Variants in MOV10L1 observed in about 807,000 individuals in gnomAD.
The protein encoded by MOV10L1 is Mov10 like RNA helicase 1, also known as RNA helicase Mov10l1.
A neutral mutation model predicts 143.8 loss-of-function variants in MOV10L1; 110 were observed. That is an observed-to-expected ratio of 0.76 (90% CI 0.66 to 0.90). The LOEUF is 0.90. Ranked by LOEUF, MOV10L1 falls within the 40% of genes least tolerant of loss-of-function variation. MOV10L1 has a pLI of 0.00. For missense variants in MOV10L1, 1,406 were observed against 1,526.8 expected (o/e 0.92, Z 1.32); for synonymous variants, 593 against 581.1 (o/e 1.02, Z -0.29).
At chr22:50,113,183 T>C (rs986964927) in intron 5 of MOV10L1, among the ~76,000 whole-genome samples, 3 of 152,172 alleles carry the variant, frequency 2.0e-5, no homozygotes, top group African/African-American at 7.2e-5. Context: ...CATCTTCTCA[T>C]TTTCTAAAGA....
intron 6 of MOV10L1, 101 bp downstream of exon 6, chr22:50,113,889 T>A: frequency 8.7e-7 from 1 of 1,148,310 alleles, no homozygotes; most frequent in Non-Finnish European, 1.2e-6. Flanking sequence ...GGTCATTTAT[T>A]TTTTTCTTTA....
rs892284999 is a variant in MOV10L1, at chr22:50,110,959, C to G, written c.743+2115C>G. Among the ~76,000 whole-genome samples, 16 of 152,140 alleles carry G rather than the reference C, an allele frequency of 1.1e-4. No individual in the cohort carries two copies. In the South Asian group the frequency reaches 1.7e-3, roughly 16 times the overall value. ...TTAAAAAAAAAAATTATTAGATTTC[C>G]TGTATCTGTGTTCTTCTTTGTGTGC... On this transcript the variant is annotated intron_variant, in intron 5 of 26. Transcript: ENST00000262794.
chr22:50,112,987 G>A (rs1268437250), intron 5 of MOV10L1, among the ~76,000 whole-genome samples: 2 of 152,212 alleles, frequency 1.3e-5, no homozygotes, highest in Non-Finnish European at 2.9e-5. Context: ...TGCAGCAGGG[G>A]CCAGAAGTGT....
intron 19 of MOV10L1, among the ~76,000 whole-genome samples, chr22:50,146,806 G>A (rs569228895): frequency 3.9e-5 from 6 of 152,308 alleles, no homozygotes; most frequent in South Asian, 2.1e-4. Flanking sequence ...TCATCGGCGC[G>A]TTTAACTCTC....
At chr22:50,161,217 T>C in intron 26 of MOV10L1, 151 bp from the exon 27 acceptor site, 2 of 990,436 alleles carry the variant, frequency 2.0e-6, no homozygotes, top group South Asian at 3.1e-5. Context: ...AGCCACTGTT[T>C]CCTGGACATT....
chr22:50,100,059 T>C (rs1401791475), intron 3 of MOV10L1, among the ~76,000 whole-genome samples: 2 of 152,070 alleles, frequency 1.3e-5, no homozygotes, highest in Admixed American at 1.3e-4. Flanking sequence ...TGGTATGATC[T>C]CAGCTCACTG....
At chr22:50,105,123 T>G (rs2147083508) in intron 3 of MOV10L1, among the ~76,000 whole-genome samples, 1 of 152,258 alleles carries the variant, frequency 6.6e-6, no homozygotes, top group African/African-American at 2.4e-5. Flanking sequence ...AGCCACAGTG[T>G]TTTTAATTGA....
In MOV10L1 at chr22:50,090,203, G is replaced by T. The variant is rs2062389833; in HGVS notation, c.97+18G>T. 1 of 1,412,842 alleles carries T rather than the reference G, an allele frequency of 7.1e-7. No individual in the cohort carries two copies. Among genetic ancestry groups the T allele is most frequent in the South Asian group, 1.6e-5 (1 of 63,054 alleles). 87.5% of individuals were successfully genotyped at this position (1,412,842 alleles called of 1,614,324 possible). On this transcript the variant is annotated intron_variant, in intron 1 of 26. Coordinates refer to ENST00000262794, the MANE Select transcript of MOV10L1 (RefSeq NM_018995.3). Reference sequence around the variant, plus strand: ...CGCGGAAGGTGGCTCGCGGGAGGCGGCTGGGAGGCGGGTCCCGGGCCCTCG... The same window carrying T: ...CGCGGAAGGTGGCTCGCGGGAGGCGTCTGGGAGGCGGGTCCCGGGCCCTCG...
rs1352282356 is a variant in MOV10L1, at chr22:50,143,155, C to G, written c.2292C>G (p.Leu764=). The stretch of plus-strand genomic sequence containing the variant: ...TTCTGAGTGGTGACTGCCGTCCCCT[C>G]CCGTATATTCTCTTTGGACCTCCTG... ...KRILSGDCRP[L]PYILFGPPGT... The change falls in exon 17 of 27, where the codon CTC becomes CTG. Residue 764 remains leucine (L), a synonymous_variant. Transcript: ENST00000262794. The G allele has an allele frequency of 6.2e-7, 1 of 1,614,058 alleles. No individual in the cohort carries two copies. Among genetic ancestry groups the G allele is most frequent in the African/African-American group, 1.3e-5 (1 of 74,932 alleles).
intron 2 of MOV10L1, among the ~76,000 whole-genome samples, chr22:50,097,667 G>A (rs910336665): frequency 6.6e-6 from 1 of 152,102 alleles, no homozygotes; most frequent in South Asian, 2.1e-4. Context: ...TTTGTAGGAA[G>A]TTTTGAAATC....
At chr22:50,150,594 G>A in intron 20 of MOV10L1, 141 bp from the exon 21 acceptor site, 1 of 936,830 alleles carries the variant, frequency 1.1e-6, no homozygotes, top group Non-Finnish European at 1.6e-6. Flanking sequence ...GGCATTCCCT[G>A]GTCTCCCAGT....
At chr22:50,090,266 G>A in intron 1 of MOV10L1, 81 bp downstream of exon 1, 2 of 1,431,348 alleles carry the variant, frequency 1.4e-6, no homozygotes, top group Admixed American at 5.8e-5. Context: ...ATAGGTCTTT[G>A]AGTGCAGTGC....
At position 50,090,591 on chromosome 22, in the gene MOV10L1, C is replaced by G. The variant is rs1397746273; in HGVS notation, c.97+406C>G. 7.9e-6 allele frequency: 12 copies of G among 1,519,422 alleles called. No individual in the cohort carries two copies. The Admixed American group carries it at 2.3e-4, about 29-fold the overall frequency. 94.1% of individuals were successfully genotyped at this position (1,519,422 alleles called of 1,614,324 possible). On this transcript the variant is annotated intron_variant, in intron 1 of 26. Coordinates refer to ENST00000262794, the MANE Select transcript of MOV10L1 (RefSeq NM_018995.3). Reference sequence around the variant, plus strand: ...CAGAACGCGCTGCGCCAAGGCGTGCCATTTCCTTGTCTGGTTTTCAAGCCC... The same window carrying G: ...CAGAACGCGCTGCGCCAAGGCGTGCGATTTCCTTGTCTGGTTTTCAAGCCC...
intron 3 of MOV10L1, among the ~76,000 whole-genome samples, chr22:50,107,502 G>A (rs1258809719): frequency 6.8e-6 from 1 of 147,124 alleles, no homozygotes; most frequent in African/African-American, 2.5e-5. Context: ...TTTTTTTTTT[G>A]AGCTTCCAGA....
rs769813602 is a variant in MOV10L1 at position 50,092,017 on chromosome 22, A to G, written c.114A>G (p.Lys38=). The change falls in exon 2 of 27, where the codon AAA becomes AAG. Residue 38 remains lysine, a synonymous_variant. Transcript: ENST00000262794. ...PELAEGDTKL[K]TVRGVVTRYC... ...CTACCTCAGGTGACACTAAGCTGAA[A>G]ACTGTACGGGGTGTCGTGACAAGGT... 5.6e-6 allele frequency: 9 copies of G among 1,613,548 alleles called. No homozygotes were observed. In the East Asian group the frequency reaches 2.0e-4, roughly 36 times the overall value.
intron 18 of MOV10L1, among the ~76,000 whole-genome samples, chr22:50,144,714 T>G (rs2063094743): frequency 6.6e-6 from 1 of 151,726 alleles, no homozygotes; most frequent in African/African-American, 2.4e-5. Flanking sequence ...CCCAAGTAGC[T>G]GGGACTACAG....
rs767613291 is a variant in MOV10L1, at chr22:50,134,035, C to T, written c.1939C>T (p.Leu647Phe). 11 of 1,612,180 alleles carry T rather than the reference C, an allele frequency of 6.8e-6. No homozygotes were observed. The highest frequency in any genetic ancestry group is 9.3e-6 in the Non-Finnish European group (11 of 1,179,640). Residue 647 changes from leucine (L) to phenylalanine (F), a missense_variant, in exon 14 of 27, where the codon CTT becomes TTT. Coordinates refer to ENST00000262794, the MANE Select transcript of MOV10L1 (RefSeq NM_018995.3). ...CACAAGCAGACGGTGTCACTTTGCA[C>T]TTGAACACGTCATCCACTTAGGTGT... ...RTTSRRCHFA[L>F]EHVIHLGVKV...
chr22:50,117,943 A>G (rs1422953764), intron 9 of MOV10L1, among the ~76,000 whole-genome samples: 1 of 152,198 alleles, frequency 6.6e-6, no homozygotes, highest in African/African-American at 2.4e-5. Context: ...AGCCCTGAAT[A>G]GCAGGCTTTT....
At chr22:50,137,820 A>C (rs62239266) in intron 15 of MOV10L1, among the ~76,000 whole-genome samples, 1 of 93,518 alleles carries the variant, frequency 1.1e-5, no homozygotes, top group Non-Finnish European at 2.4e-5. Context: ...TACATATATA[A>C]ATATACATAT....
Sources: allele counts gnomAD v4.1 joint callset (sites outside exome capture counted in the v4.1 genomes callset), GRCh38; gene constraint gnomAD v4.1.1; transcripts MANE v1.5; gene names NCBI Gene and HGNC (gene_info 2026-07-23, HGNC 2026-07-21).